Variants in FANCI observed in about 807,000 individuals in gnomAD.
The protein encoded by FANCI is Fanconi anemia group I protein.
A neutral mutation model predicts 176.1 loss-of-function variants in FANCI; 156 were observed. The observed-to-expected ratio is 0.89, with a 90% CI of 0.78 to 1.01. The LOEUF is 1.01. FANCI is among the 50% of genes least tolerant of loss of function. The pLI, the probability that FANCI is intolerant of heterozygous loss-of-function variation, is 0.00. For synonymous variants in FANCI, 613 were observed against 541.7 expected, an observed-to-expected ratio of 1.13 and a Z score of -1.83; for missense variants, 1,678 against 1,534.1, an observed-to-expected ratio of 1.09 and a Z score of -1.57.
intron 2 of FANCI, among the ~76,000 whole-genome samples, chr15:89,248,056 T>G (rs960235899): frequency 1.3e-5 from 2 of 152,242 alleles, no homozygotes; most frequent in Non-Finnish European, 2.9e-5. Context: ...ATATCCAGAC[T>G]ATAGTTACTG....
In FANCI at chr15:89,293,935, C is replaced by G. The variant is rs372974984; in HGVS notation, c.2394C>G (p.Asn798Lys). The change falls in exon 23 of 38, where the codon AAC (asparagine) becomes AAG (lysine). Residue 798 changes from asparagine to lysine, a missense_variant. By Grantham distance (94) the Asn-to-Lys change is moderately conservative. This residue lies in a region of FANCI where 1,204 missense variants were observed against 1,077.4 expected (regional missense o/e 1.12). Transcript: ENST00000310775. ...GTAAAGCCAAAACTAAAATGGCCAA[C>G]AAGACAAGTGATAGTCTTTTGTCCA... ...KAGKAKTKMA[N>K]KTSDSLLSMK... 6.2e-7 allele frequency: 1 copy of G among 1,614,104 alleles called. No homozygotes were observed. Among genetic ancestry groups the G allele is most frequent in the Non-Finnish European group, 8.5e-7 (1 of 1,180,006 alleles).
At position 89,299,846 on chromosome 15, in the gene FANCI, T is replaced by G. The variant is rs1567170319; in HGVS notation, c.2683T>G (p.Ser895Ala). The G allele has an allele frequency of 1.9e-6, 3 of 1,613,790 alleles. No homozygotes were observed. The African/African-American group carries it at 4.0e-5, about 22-fold the overall frequency. Residue 895 changes from serine to alanine, a missense_variant, in exon 25 of 38, where the codon TCG becomes GCG. By Grantham distance (99) the Ser-to-Ala change is moderately conservative (BLOSUM62 1). Coordinates refer to ENST00000310775, the MANE Select transcript of FANCI (RefSeq NM_001113378.2). ...TTCAATTCCTACTTCAGTGGAAGAG[T>G]CGGGAAAGAAAGAGAAAGGAAAGAG... is the stretch of plus-strand genomic sequence containing the variant. ...YTSIPTSVEESGKKEKGKSIS... is the reference protein window; with the variant it reads ...YTSIPTSVEEAGKKEKGKSIS...
intron 18 of FANCI, 140 bp from the exon 19 acceptor site, chr15:89,290,073 G>A (rs2054001716): frequency 1.4e-6 from 1 of 713,992 alleles, no homozygotes; most frequent in Non-Finnish European, 2.5e-6. Flanking sequence ...TTTATATTAG[G>A]GCATTTAGGA....
rs572414062 is a variant in FANCI, at chr15:89,254,676, G to C, written c.85-4028G>C. On this transcript the variant is annotated intron_variant, in intron 2 of 37. Coordinates refer to ENST00000310775, the MANE Select transcript of FANCI (RefSeq NM_001113378.2). The stretch of plus-strand genomic sequence containing the variant: ...TTTAAAAAATTAGCATGGCATATCA[G>C]CACACGCTTGTATTCCTAGCTAACT... Among the ~76,000 whole-genome samples the C allele has an allele frequency of 2.0e-5, 3 of 152,296 alleles. No individual in the cohort carries two copies. In the East Asian group the frequency reaches 5.8e-4, roughly 29 times the overall value.
At chr15:89,307,775 C>T (rs2054783339) in intron 34 of FANCI, 103 bp downstream of exon 34, 1 of 1,590,030 alleles carries the variant, frequency 6.3e-7, no homozygotes, top group African/African-American at 1.3e-5. Flanking sequence ...AAACTTTTTT[C>T]CCTGCTTACC....
chr15:89,303,943 G>C (rs1203074344), intron 28 of FANCI, 28 bp downstream of exon 28: 1 of 1,608,364 alleles, frequency 6.2e-7, no homozygotes, highest in South Asian at 1.1e-5. Context: ...TTTTCCTAAA[G>C]GCTTTATATA....
At chr15:89,299,615 A>T (rs1313877372) in intron 24 of FANCI, among the ~76,000 whole-genome samples, 185 bp from the exon 25 acceptor site, 1 of 152,244 alleles carries the variant, frequency 6.6e-6, no homozygotes. Context: ...GAGAGAATTG[A>T]CTATCAGTGA....
intron 28 of FANCI, among the ~76,000 whole-genome samples, chr15:89,304,231 A>G (rs148305448): frequency 4.3e-4 from 65 of 152,354 alleles, no homozygotes; most frequent in Non-Finnish European, 7.2e-4. Context: ...TCTTAGCAGC[A>G]CTATTTTAGT....
chr15:89,271,079 T>C (rs568115171), intron 10 of FANCI, among the ~76,000 whole-genome samples: 12 of 152,350 alleles, frequency 7.9e-5, no homozygotes, highest in Non-Finnish European at 1.8e-4. Flanking sequence ...TTCCATTTGA[T>C]TGCTGTTTTA....
chr15:89,285,058 T>C, intron 17 of FANCI, 38 bp from the exon 18 acceptor site: 1 of 1,613,450 alleles, frequency 6.2e-7, no homozygotes, highest in Non-Finnish European at 8.5e-7. Context: ...GAAACAGCTT[T>C]GGTAAGATAG....
In FANCI at chr15:89,251,355, T is replaced by C. The variant is rs188803500; in HGVS notation, c.84+3624T>C. On this transcript the variant is annotated intron_variant, in intron 2 of 37. Coordinates refer to ENST00000310775, the MANE Select transcript of FANCI (RefSeq NM_001113378.2). ...ACAAAAACACCAGGCCCAGATAGATTGGCAGGAAACTTCTGTCAAACCTTT... is the reference window on the plus strand; with the variant it reads ...ACAAAAACACCAGGCCCAGATAGATCGGCAGGAAACTTCTGTCAAACCTTT... Among the ~76,000 whole-genome samples the C allele has an allele frequency of 5.9e-5, 9 of 152,298 alleles. No individual in the cohort carries two copies. The East Asian group carries it at 1.7e-3, about 29-fold the overall frequency.
At chr15:89,301,573 T>A (rs1377345127) in intron 27 of FANCI, 131 bp downstream of exon 27, 1 of 769,136 alleles carries the variant, frequency 1.3e-6, no homozygotes, top group Non-Finnish European at 2.4e-6. Context: ...ATTATACACC[T>A]GAGTTAATAT....
Position 89,317,039 on chromosome 15 carries a change from A to C in FANCI, c.*580A>C. ...TTTTAAATAGAAAATAAGCTTTCTG[A>C]TTTACTTGTTTGGTATTTAAAGCAC... On this transcript the variant is annotated 3_prime_UTR_variant, in exon 38 of 38. Transcript: ENST00000310775. 1 of 598,634 alleles carries C rather than the reference A, an allele frequency of 1.7e-6. No homozygotes were observed. Among genetic ancestry groups the C allele is most frequent in the South Asian group, 2.0e-5 (1 of 49,294 alleles). The allele number at this position is 598,634 out of a possible 1,614,324, so 37.1% of individuals were successfully genotyped here.
intron 17 of FANCI, among the ~76,000 whole-genome samples, chr15:89,284,656 GATGTCAGTTCTTTGTCATGTCC>G (rs2151603083): frequency 6.6e-6 from 1 of 152,318 alleles, no homozygotes; most frequent in South Asian, 2.1e-4. Context: ...TTACACAAAG[GATGTCAGTTCTTTGTCATGTCC>G]ATTTCTAAAC....
rs1268568399 is a variant in FANCI, at chr15:89,278,893, A to T, written c.1381+119A>T. ...ATTTAAATGCAGTATCTTTGATAGG[A>T]TGCCAATAAAGGAAATCCATTTATG... On this transcript the variant is annotated intron_variant, in intron 14 of 37. Transcript: ENST00000310775. 3 of 737,656 alleles carry T rather than the reference A, an allele frequency of 4.1e-6. No homozygotes were observed. The East Asian group carries it at 8.1e-5, about 20-fold the overall frequency. 45.7% of individuals were successfully genotyped at this position (737,656 alleles called of 1,614,324 possible).
chr15:89,260,801 G>T lies in FANCI; in HGVS notation c.246G>T (p.Gln82His). ...CIQLVESGDL[Q>H]KEIASEIIGL... ...AGTTGGTGGAATCGGGGGATTTGCA[G>T]AAAGAAATAGCGTCTGAGATCATAG... The change falls in exon 4 of 38, where the codon CAG becomes CAT. Residue 82 changes from glutamine (Q) to histidine (H), a missense_variant. Physicochemically the swap from Gln to His is conservative, Grantham distance 24. This residue lies in a region of FANCI where 469 missense variants were observed against 436.9 expected (regional missense o/e 1.07). Transcript: ENST00000310775. The T allele has an allele frequency of 1.2e-6, 2 of 1,614,028 alleles. No homozygotes were observed. Among genetic ancestry groups the T allele is most frequent in the Non-Finnish European group, 1.7e-6 (2 of 1,179,916 alleles).
At chr15:89,249,363 A>T (rs559496404) in intron 2 of FANCI, among the ~76,000 whole-genome samples, 2 of 152,326 alleles carry the variant, frequency 1.3e-5, no homozygotes, top group African/African-American at 4.8e-5. Flanking sequence ...AACTTTATTT[A>T]TTTAAAGGTG....
At chr15:89,303,733 C>T (rs1331793638) in intron 27 of FANCI, 131 bp from the exon 28 acceptor site, 2 of 722,096 alleles carry the variant, frequency 2.8e-6, no homozygotes, top group African/African-American at 1.8e-5. Context: ...TATATTACCA[C>T]TTGAGATCTA....
At chr15:89,281,321 G>A (rs1171101881) in intron 15 of FANCI, 21 bp downstream of exon 15, 6 of 1,613,102 alleles carry the variant, frequency 3.7e-6, no homozygotes, top group South Asian at 1.1e-5. Context: ...AGATTCCCAA[G>A]TAACTTGCCA....
Sources: allele counts gnomAD v4.1 joint callset (sites outside exome capture counted in the v4.1 genomes callset), GRCh38; gene constraint gnomAD v4.1.1; regional missense constraint gnomAD v4.1.1; transcripts MANE v1.5; gene names NCBI Gene and HGNC (gene_info 2026-07-23, HGNC 2026-07-21).